UBR2: variants seen among roughly 807,000 people sequenced by gnomAD.
The protein encoded by UBR2 is E3 ubiquitin-protein ligase UBR2.
A neutral mutation model predicts 247.9 loss-of-function variants in UBR2; 92 were observed. The observed-to-expected ratio is 0.37, with a 90% CI of 0.31 to 0.44. The LOEUF is 0.44. Among genes scored for constraint, UBR2 ranks in the 20% least tolerant of loss-of-function variants. UBR2 has a pLI of 1.00. For synonymous variants in UBR2, 672 were observed against 693.5 expected (o/e 0.97, Z 0.49); for missense variants, 1,613 against 2,112.6 (o/e 0.76, Z 4.64).
chr6:42,663,921 G>A (rs1206197366), intron 32 of UBR2, among the ~76,000 whole-genome samples: 5 of 152,172 alleles, frequency 3.3e-5, no homozygotes, highest in African/African-American at 7.2e-5. Context: ...CACTTTGAGA[G>A]GCCAAGATGA....
chr6:42,632,662 T>A lies in UBR2; in HGVS notation c.1392T>A (p.Thr464=). 1 of 1,613,636 alleles carries A rather than the reference T, an allele frequency of 6.2e-7. No individual in the cohort carries two copies. The highest frequency in any genetic ancestry group is 8.5e-7 in the Non-Finnish European group (1 of 1,179,814). The change falls in exon 12 of 47, where the codon ACT becomes ACA. Residue 464 remains threonine (T), a synonymous_variant. Coordinates refer to ENST00000372901, the MANE Select transcript of UBR2 (RefSeq NM_001363705.2). ...AQGRFQFERY[T]ALQAFKFRRV... is the part of the protein sequence containing the mutation. ...GCAGATTTCAGTTTGAACGATACAC[T>A]GCTTTACAAGCCTTCAAATTTAGGA...
chr6:42,670,592 T>G, intron 35 of UBR2, 68 bp from the exon 36 acceptor site: 1 of 1,196,612 alleles, frequency 8.4e-7, no homozygotes, highest in Non-Finnish European at 1.2e-6. Flanking sequence ...TTTTTAACCT[T>G]TTTAAGAAAA....
At chr6:42,625,797 G>C (rs1211962929) in intron 11 of UBR2, among the ~76,000 whole-genome samples, 4 of 150,930 alleles carry the variant, frequency 2.7e-5, no homozygotes, top group Non-Finnish European at 5.9e-5. Flanking sequence ...ACCTTTAGTT[G>C]CGTTGATTTA....
At chr6:42,586,538 C>CTTT (rs147830824) in intron 2 of UBR2, among the ~76,000 whole-genome samples, 18,440 of 96,834 alleles carry the variant, frequency 0.19, 1,403 homozygotes, top group African/African-American at 0.22. Context: ...GTTTGTCTCT[C>CTTT]TTTTTTTTTT....
intron 1 of UBR2, among the ~76,000 whole-genome samples, chr6:42,569,365 A>T (rs1790973440): frequency 6.6e-6 from 1 of 152,156 alleles, no homozygotes; most frequent in South Asian, 2.1e-4. Context: ...TTTGGGTGTT[A>T]TGCCTTCTCA....
At chr6:42,688,168 T>G in intron 44 of UBR2, 48 bp from the exon 45 acceptor site, 1 of 1,613,382 alleles carries the variant, frequency 6.2e-7, no homozygotes, top group Non-Finnish European at 8.5e-7. Context: ...CACTAGCTCT[T>G]TAGCCACTCT....
At chr6:42,586,538 C>CTT (rs147830824) in intron 2 of UBR2, among the ~76,000 whole-genome samples, 449 of 97,242 alleles carry the variant, frequency 4.6e-3, no homozygotes, top group Non-Finnish European at 5.9e-3. Flanking sequence ...GTTTGTCTCT[C>CTT]TTTTTTTTTT....
intron 34 of UBR2, among the ~76,000 whole-genome samples, chr6:42,668,084 G>A (rs1798228547): frequency 6.6e-6 from 1 of 151,980 alleles, no homozygotes; most frequent in African/African-American, 2.4e-5. Context: ...TAAGTGCTCA[G>A]ATCTGTCCGA....
Position 42,659,774 on chromosome 6 carries a change from A to G in UBR2, c.3361A>G (p.Ser1121Gly), listed in dbSNP as rs1479569014. The change falls in exon 30 of 47, where the codon AGC (serine) becomes GGC (glycine). Residue 1121 changes from serine to glycine, a missense_variant. By Grantham distance (56) the Ser-to-Gly change is moderately conservative (BLOSUM62 0). This residue lies in a region of UBR2 where 1,524 missense variants were observed against 1,967.3 expected (regional missense o/e 0.77). Coordinates refer to ENST00000372901, the MANE Select transcript of UBR2 (RefSeq NM_001363705.2). The surrounding 1 kb of genome is among the most constrained non-coding windows in gnomAD (Gnocchi z 4.3). Reference protein sequence around the residue: ...CQEEQEVKVESRAMVLAAFVQ... With the variant: ...CQEEQEVKVEGRAMVLAAFVQ... ...AGAGGAGCAAGAAGTTAAAGTGGAA[A>G]GCAGGGCAATGGTCTTGGCAGCATT... 6.2e-7 allele frequency: 1 copy of G among 1,614,210 alleles called. No individual in the cohort carries two copies. Among genetic ancestry groups the G allele is most frequent in the Non-Finnish European group, 8.5e-7 (1 of 1,180,036 alleles).
intron 30 of UBR2, among the ~76,000 whole-genome samples, chr6:42,661,642 T>C (rs1310216763): frequency 6.6e-6 from 1 of 152,256 alleles, no homozygotes; most frequent in African/African-American, 2.4e-5. Flanking sequence ...AATTACCTTT[T>C]TTCCCCCCAT....
intron 40 of UBR2, 117 bp downstream of exon 40, chr6:42,676,990 A>C (rs1460171231): frequency 1.2e-6 from 1 of 819,648 alleles, no homozygotes; most frequent in East Asian, 2.6e-5. Context: ...ATGTTTTTAA[A>C]ATAAGACGTG....
At chr6:42,668,648 GC>G (rs1468501960) in intron 34 of UBR2, among the ~76,000 whole-genome samples, 1 of 151,832 alleles carries the variant, frequency 6.6e-6, no homozygotes, top group Non-Finnish European at 1.5e-5. Flanking sequence ...CCCCATCTTG[GC>G]CAGACTGGTC....
intron 31 of UBR2, 101 bp from the exon 32 acceptor site, chr6:42,663,157 G>T: frequency 3.0e-6 from 3 of 994,908 alleles, no homozygotes; most frequent in Admixed American, 3.7e-5. Context: ...TTTCATTTTT[G>T]AACTATTTGT....
chr6:42,645,711 G>A (rs1796715323), intron 21 of UBR2, 121 bp downstream of exon 21: 3 of 1,057,006 alleles, frequency 2.8e-6, no homozygotes, highest in East Asian at 4.8e-5. Flanking sequence ...GTCATGGGAT[G>A]TGTATAATTC....
chr6:42,676,242 G>A, intron 39 of UBR2, 51 bp downstream of exon 39: 1 of 1,501,392 alleles, frequency 6.7e-7, no homozygotes, highest in Non-Finnish European at 8.9e-7. Flanking sequence ...TGAGTTTTCT[G>A]AGTTTTAAAA....
chr6:42,612,105 T>G (rs1794128765), intron 7 of UBR2, 66 bp from the exon 8 acceptor site: 2 of 1,398,248 alleles, frequency 1.4e-6, no homozygotes, highest in Admixed American at 4.4e-5. Context: ...GTAAAAATAA[T>G]AACTTTGTTC....
chr6:42,564,691 T>G (rs1419681527), intron 1 of UBR2, among the ~76,000 whole-genome samples: 1 of 152,214 alleles, frequency 6.6e-6, no homozygotes, highest in Non-Finnish European at 1.5e-5. Context: ...CCATTAAGTC[T>G]CCCAACACAT....
rs537168515 is a variant in UBR2, at chr6:42,577,138, C to T, written c.338+3145C>T. Among the ~76,000 whole-genome samples the T allele has an allele frequency of 9.9e-5, 15 of 152,158 alleles. No homozygotes were observed. The East Asian group carries it at 1.4e-3, about 14-fold the overall frequency. On this transcript the variant is annotated intron_variant, in intron 2 of 46. Coordinates refer to ENST00000372901, the MANE Select transcript of UBR2 (RefSeq NM_001363705.2). The stretch of plus-strand genomic sequence containing the variant: ...AAGTAGGTGTTTCCATGAAACCCAG[C>T]GCCCTGGTAAAATGACACGGAGTCT...
At chr6:42,638,758 A>C (rs1336083493) in intron 15 of UBR2, among the ~76,000 whole-genome samples, 1 of 152,174 alleles carries the variant, frequency 6.6e-6, no homozygotes, top group Non-Finnish European at 1.5e-5. Flanking sequence ...CCTTAAAAAA[A>C]AAAAAGGCAA....
Sources: allele counts gnomAD v4.1 joint callset (sites outside exome capture counted in the v4.1 genomes callset), GRCh38; gene constraint gnomAD v4.1.1; regional missense constraint gnomAD v4.1.1; non-coding constraint Gnocchi (gnomAD v3.1); transcripts MANE v1.5; gene names NCBI Gene and HGNC (gene_info 2026-07-23, HGNC 2026-07-21).